The following RPS6KA3 variants were observed in gnomAD, a reference collection of about 807,000 sequenced individuals.
RPS6KA3 encodes the protein ribosomal protein S6 kinase A3.
Under a neutral mutation model 67.2 loss-of-function variants are expected in RPS6KA3, and 4 were observed. That is an observed-to-expected ratio of 0.06 (90% CI 0.03 to 0.14). The LOEUF (loss-of-function observed/expected upper bound fraction) is 0.14. Ranked by LOEUF, RPS6KA3 falls within the 10% of genes least tolerant of loss-of-function variation. The probability of loss-of-function intolerance (pLI) is 1.00; values close to 1 mark genes in which losing one functional copy is unlikely to be tolerated. For synonymous variants in RPS6KA3, 182 were observed against 183.7 expected (o/e 0.99, Z 0.07); for missense variants, 204 against 559.0 (o/e 0.36, Z 6.40).
chrX:20,209,142 T>C, intron 3 of RPS6KA3, 146 bp downstream of exon 3: 2 of 473,685 alleles, frequency 4.2e-6, no homozygotes, highest in Non-Finnish European at 7.5e-6. Context: ...CTTTCCCACT[T>C]ACTGATAGTG....
In RPS6KA3 at chrX:20,266,868, G is replaced by C. The variant is rs1225649832; in HGVS notation, c.-236C>G. ...CCAGAGACGCCCGCGCGCTGAGCGAGAGCCTCGCGCCTCCGCTGGGCACCG... is the reference window on the plus strand; with the variant it reads ...CCAGAGACGCCCGCGCGCTGAGCGACAGCCTCGCGCCTCCGCTGGGCACCG... On this transcript the variant is annotated 5_prime_UTR_variant, in exon 1 of 22. Transcript: ENST00000379565. 6.4e-6 allele frequency: 3 copies of C among 467,314 alleles called. No individual in the cohort carries two copies. Among genetic ancestry groups the C allele is most frequent in the South Asian group, 2.1e-4 (2 of 9,743 alleles). The allele number at this position is 467,314 out of a possible 1,213,427, so 38.5% of individuals were successfully genotyped here.
At chrX:20,256,128 G>T (rs1465248452) in intron 1 of RPS6KA3, among the ~76,000 whole-genome samples, 1 of 74,928 alleles carries the variant, frequency 1.3e-5, no homozygotes, top group African/African-American at 5.6e-5. Flanking sequence ...TTCCATATCA[G>T]CATTAGAGCA....
chrX:20,155,238 G>T lies in RPS6KA3; in HGVS notation c.*160C>A. ...TAACTTGCTAACAATCATTTAAAGC[G>T]AGAAGAGAGGAAAGCAGGAGCAGCA... On this transcript the variant is annotated 3_prime_UTR_variant, in exon 22 of 22. Coordinates refer to ENST00000379565, the MANE Select transcript of RPS6KA3 (RefSeq NM_004586.3). 3 of 590,439 alleles carry T rather than the reference G, an allele frequency of 5.1e-6. No homozygotes were observed. Among genetic ancestry groups the T allele is most frequent in the Non-Finnish European group, 5.7e-6 (2 of 347,845 alleles). 48.7% of individuals were successfully genotyped at this position (590,439 alleles called of 1,213,427 possible). A position where few individuals can be genotyped will look rare whatever the true frequency, so the allele number is the denominator to read the frequency against.
chrX:20,250,812 T>C (rs1427227472), intron 1 of RPS6KA3, among the ~76,000 whole-genome samples: 1 of 111,937 alleles, frequency 8.9e-6, no homozygotes, highest in African/African-American at 3.3e-5. Flanking sequence ...TTCAGGGATA[T>C]TGACCTGCAG....
At chrX:20,222,711 G>A (rs1340156118) in intron 2 of RPS6KA3, among the ~76,000 whole-genome samples, 1 of 111,236 alleles carries the variant, frequency 9.0e-6, no homozygotes, top group Admixed American at 9.5e-5. Flanking sequence ...ATATCATTAT[G>A]GTTTAGGGTA....
intron 1 of RPS6KA3, among the ~76,000 whole-genome samples, chrX:20,251,948 T>G (rs1310035696): frequency 8.9e-6 from 1 of 112,224 alleles, no homozygotes; most frequent in Non-Finnish European, 1.9e-5. Flanking sequence ...TCTGGGACTC[T>G]GATGACATAA....
At chrX:20,229,914 G>T (rs2069218119) in intron 2 of RPS6KA3, among the ~76,000 whole-genome samples, 1 of 112,074 alleles carries the variant, frequency 8.9e-6, no homozygotes, top group Admixed American at 9.5e-5. Flanking sequence ...TGCTACTAAA[G>T]CCATGAGTAG....
intron 2 of RPS6KA3, among the ~76,000 whole-genome samples, chrX:20,226,320 C>T (rs1257342098): frequency 8.9e-6 from 1 of 111,835 alleles, no homozygotes; most frequent in Non-Finnish European, 1.9e-5. Context: ...GGCTCTATCA[C>T]AAATAGAAAC....
chrX:20,171,377 T>G (rs1195936523), intron 15 of RPS6KA3, among the ~76,000 whole-genome samples: 1 of 111,321 alleles, frequency 9.0e-6, no homozygotes, highest in East Asian at 2.8e-4. Context: ...CAACTGCAAA[T>G]GATAGTGTGG....
chrX:20,151,219 T>C lies in RPS6KA3; in HGVS notation c.*4179A>G, dbSNP rs1223715271. ...CAAATTCTTCTTGGCCATCCATATT[T>C]GGGCATTATCATTCTGGAGATTCTT... On this transcript the variant is annotated 3_prime_UTR_variant, in exon 22 of 22. Coordinates refer to ENST00000379565, the MANE Select transcript of RPS6KA3 (RefSeq NM_004586.3). 2 of 112,459 alleles carry C rather than the reference T, an allele frequency of 1.8e-5. No homozygotes were observed. Among genetic ancestry groups the C allele is most frequent in the East Asian group, 5.6e-4 (2 of 3,597 alleles). The allele number at this position is 112,459 out of a possible 1,213,427, so 9.3% of individuals were successfully genotyped here. A position where few individuals can be genotyped will look rare whatever the true frequency, so the allele number is the denominator to read the frequency against.
chrX:20,214,158 C>A (rs890761204), intron 2 of RPS6KA3, among the ~76,000 whole-genome samples: 1 of 111,596 alleles, frequency 9.0e-6, no homozygotes, highest in Non-Finnish European at 1.9e-5. Flanking sequence ...GAGCTCCTTT[C>A]TATCCTGGAG....
chrX:20,165,868 G>A (rs1332218630), intron 17 of RPS6KA3, among the ~76,000 whole-genome samples: 1 of 110,728 alleles, frequency 9.0e-6, no homozygotes, highest in Admixed American at 9.7e-5. Flanking sequence ...CTTATCCGTG[G>A]CGTATATGTT....
At chrX:20,159,356 T>C (rs995099775) in intron 20 of RPS6KA3, among the ~76,000 whole-genome samples, 1 of 112,510 alleles carries the variant, frequency 8.9e-6, no homozygotes, top group Non-Finnish European at 1.9e-5. Flanking sequence ...TCTAGTCTTC[T>C]TGCTCTGAAA....
At chrX:20,256,810 G>C (rs982259640) in intron 1 of RPS6KA3, among the ~76,000 whole-genome samples, 4 of 111,860 alleles carry the variant, frequency 3.6e-5, no homozygotes, top group African/African-American at 1.3e-4. Flanking sequence ...GGTGAGAAGA[G>C]GGCTTCATGC....
chrX:20,256,198 AAG>A (rs1223704184), intron 1 of RPS6KA3, among the ~76,000 whole-genome samples: 5 of 104,500 alleles, frequency 4.8e-5, no homozygotes, highest in African/African-American at 1.4e-4. Context: ...AAAAAAAAAA[AAG>A]AAAAAAAAAA....
At chrX:20,260,110 T>C (rs2070184344) in intron 1 of RPS6KA3, among the ~76,000 whole-genome samples, 2 of 111,503 alleles carry the variant, frequency 1.8e-5, no homozygotes, top group South Asian at 7.4e-4. Flanking sequence ...CCCTAAAAAT[T>C]AACAGAACGG....
intron 3 of RPS6KA3, among the ~76,000 whole-genome samples, chrX:20,206,247 A>C (rs1259317135): frequency 8.9e-6 from 1 of 112,242 alleles, no homozygotes; most frequent in African/African-American, 3.2e-5. Flanking sequence ...GTGGCCTTTC[A>C]GAATGAGTAA....
chrX:20,218,844 C>T lies in RPS6KA3; in HGVS notation c.127-9440G>A, dbSNP rs372851136. 155 of 1,195,184 alleles carry T rather than the reference C, an allele frequency of 1.3e-4. No homozygotes were observed. Among genetic ancestry groups the T allele is most frequent in the Middle Eastern group, 2.3e-4 (1 of 4,326 alleles). Reference sequence around the variant, plus strand: ...AAAGACAAAAATTTAAACATGGCTACGAAACCATGATGGTGATAAAAGAAT... The same window carrying T: ...AAAGACAAAAATTTAAACATGGCTATGAAACCATGATGGTGATAAAAGAAT... On this transcript the variant is annotated intron_variant, in intron 2 of 21. Transcript: ENST00000379565.
chrX:20,249,553 C>T (rs973192288), intron 1 of RPS6KA3, among the ~76,000 whole-genome samples: 1 of 111,726 alleles, frequency 9.0e-6, no homozygotes, highest in East Asian at 2.8e-4. Context: ...TGATAGTTAA[C>T]CATGCTGAAC....
Sources: gnomAD v4.1 joint callset for allele counts (sites outside exome capture counted in the v4.1 genomes callset) on GRCh38, gnomAD v4.1.1 for gene constraint, MANE v1.5 for transcripts, NCBI Gene and HGNC (gene_info 2026-07-23, HGNC 2026-07-21) for gene names.